DNAH9: variants seen among roughly 807,000 people sequenced by gnomAD.
DNAH9 encodes the protein DNAH9 variant protein.
DNAH9 carries 345 observed loss-of-function variants against 471.6 expected under a neutral mutation model. That is an observed-to-expected ratio of 0.73 (90% CI 0.67 to 0.80). The LOEUF is 0.80. Among genes scored for constraint, DNAH9 ranks in the 30% least tolerant of loss-of-function variants. DNAH9 has a pLI of 0.00. For missense variants in DNAH9, 5,407 were observed against 5,609.2 expected (o/e 0.96, Z 1.15); for synonymous variants, 2,093 against 2,123.6 (o/e 0.99, Z 0.40).
At chr17:11,765,583 T>G (rs923311803) in intron 36 of DNAH9, among the ~76,000 whole-genome samples, 1 of 152,184 alleles carries the variant, frequency 6.6e-6, no homozygotes, top group Non-Finnish European at 1.5e-5. Flanking sequence ...CTTTCTCTAC[T>G]GCCCTCCCCA....
intron 6 of DNAH9, among the ~76,000 whole-genome samples, chr17:11,622,072 G>A (rs1023644295): frequency 1.4e-5 from 2 of 141,756 alleles, no homozygotes; most frequent in African/African-American, 5.2e-5. Context: ...GGGACAGAGC[G>A]AGACTCCGTC....
chr17:11,657,938 A>C (rs1269230978), intron 14 of DNAH9, among the ~76,000 whole-genome samples: 1 of 152,050 alleles, frequency 6.6e-6, no homozygotes, highest in Non-Finnish European at 1.5e-5. Context: ...AAGTCTGAAA[A>C]TCAGGTTCTA....
intron 14 of DNAH9, among the ~76,000 whole-genome samples, chr17:11,662,231 A>G (rs1457324431): frequency 6.6e-6 from 1 of 152,002 alleles, no homozygotes; most frequent in Non-Finnish European, 1.5e-5. Flanking sequence ...CTTTTACTAG[A>G]TTCTTTTTTA....
chr17:11,838,363 A>G (rs1329189738), intron 49 of DNAH9, among the ~76,000 whole-genome samples: 1 of 152,224 alleles, frequency 6.6e-6, no homozygotes, highest in African/African-American at 2.4e-5. Flanking sequence ...TACAGCTTGT[A>G]AACTATGTGC....
intron 7 of DNAH9, 111 bp downstream of exon 7, chr17:11,629,695 T>C (rs2073031927): frequency 4.3e-6 from 4 of 928,700 alleles, no homozygotes; most frequent in Non-Finnish European, 6.4e-6. Context: ...TTTGGCTCTG[T>C]GGTCCCAGTG....
At chr17:11,818,428 T>TTTTAA (rs1038528871) in intron 45 of DNAH9, among the ~76,000 whole-genome samples, 1 of 139,896 alleles carries the variant, frequency 7.1e-6, no homozygotes, top group African/African-American at 2.6e-5. Flanking sequence ...ACTCCGTATT[T>TTTTAA]AAAAAAAAAA....
chr17:11,952,950 A>G (rs942772418), intron 67 of DNAH9, among the ~76,000 whole-genome samples: 9 of 152,138 alleles, frequency 5.9e-5, no homozygotes, highest in Non-Finnish European at 1.3e-4. Flanking sequence ...GCTTGTAGAG[A>G]GGTGTCTCCT....
At chr17:11,960,265 G>A (rs148480532) in intron 67 of DNAH9, among the ~76,000 whole-genome samples, 225 of 146,742 alleles carry the variant, frequency 1.5e-3, no homozygotes, top group African/African-American at 5.2e-3. Context: ...GTGAAACCCC[G>A]TCTCTACTAA....
chr17:11,816,057 C>A (rs1410205402), intron 45 of DNAH9, among the ~76,000 whole-genome samples: 1 of 152,144 alleles, frequency 6.6e-6, no homozygotes. Context: ...AGAAGACTTA[C>A]CTTAGGCGTT....
intron 26 of DNAH9, 177 bp downstream of exon 26, chr17:11,705,362 C>A: frequency 1.7e-6 from 1 of 577,944 alleles, no homozygotes; most frequent in Middle Eastern, 4.6e-4. Context: ...CAGAGCCTTT[C>A]TTGGAACAAA....
intron 36 of DNAH9, among the ~76,000 whole-genome samples, chr17:11,768,159 C>T (rs1442975091): frequency 6.6e-6 from 1 of 152,176 alleles, no homozygotes; most frequent in Non-Finnish European, 1.5e-5. Flanking sequence ...TGTTCTTCCA[C>T]CTCCCTCCCT....
At chr17:11,646,939 T>C in intron 11 of DNAH9, 133 bp from the exon 12 acceptor site, 1 of 742,110 alleles carries the variant, frequency 1.3e-6, no homozygotes, top group South Asian at 2.3e-5. Context: ...AATTTGTGGT[T>C]ACTCTCAGAA....
At chr17:11,748,307 A>G (rs1182370117) in intron 32 of DNAH9, among the ~76,000 whole-genome samples, 1 of 152,164 alleles carries the variant, frequency 6.6e-6, no homozygotes, top group African/African-American at 2.4e-5. Context: ...AGTCTGGGTG[A>G]CAAAGCAAGA....
chr17:11,946,669 A>AC (rs1181934252), intron 67 of DNAH9, among the ~76,000 whole-genome samples: 7 of 151,350 alleles, frequency 4.6e-5, no homozygotes, highest in African/African-American at 1.7e-4. Context: ...ATCTCAAAAA[A>AC]AAAAAAAAAA....
intron 49 of DNAH9, among the ~76,000 whole-genome samples, chr17:11,848,128 T>C (rs1408062891): frequency 6.6e-6 from 1 of 152,212 alleles, no homozygotes; most frequent in Non-Finnish European, 1.5e-5. Context: ...CTTTCATAAA[T>C]AGTTCCTTTA....
chr17:11,738,286 G>C (rs1194732324), intron 28 of DNAH9, among the ~76,000 whole-genome samples: 1 of 152,210 alleles, frequency 6.6e-6, no homozygotes, highest in African/African-American at 2.4e-5. Flanking sequence ...TTACTACAGA[G>C]AGAACCCACA....
chr17:11,659,085 T>A (rs1490634573), intron 14 of DNAH9, among the ~76,000 whole-genome samples: 4 of 152,014 alleles, frequency 2.6e-5, no homozygotes, highest in Non-Finnish European at 5.9e-5. Context: ...AAATATGTGA[T>A]AGAATTCACC....
rs113164593 is a variant in DNAH9 at position 11,715,156 on chromosome 17, T to C, written c.5553-4178T>C. On this transcript the variant is annotated intron_variant, in intron 26 of 68. Transcript: ENST00000262442. ...AAGCACAGGCTATTCATAGCTGAAA[T>C]CAAGATATAGCAGCTTTGATATTTG... Among the ~76,000 whole-genome samples the C allele has an allele frequency of 3.3e-5, 5 of 152,338 alleles. 1 individual carries two copies. Among genetic ancestry groups the C allele is most frequent in the African/African-American group, 1.2e-4 (5 of 41,566 alleles).
rs375961188 is a variant in DNAH9, at chr17:11,636,774, A to G, written c.1776A>G (p.Glu592=). 253 of 1,613,930 alleles carry G rather than the reference A, an allele frequency of 1.6e-4. No homozygotes were observed. Among genetic ancestry groups the G allele is most frequent in the Non-Finnish European group, 2.0e-4 (240 of 1,179,958 alleles). The change falls in exon 9 of 69, where the codon GAA becomes GAG. Residue 592 remains glutamate (E), a synonymous_variant. Coordinates refer to ENST00000262442, the MANE Select transcript of DNAH9 (RefSeq NM_001372.4). ...RMIYSQHVQE[E]AELGFSPVHK... is the part of the protein sequence containing the mutation. The stretch of plus-strand genomic sequence containing the variant: ...TCTACAGTCAGCACGTCCAGGAGGA[A>G]GCAGAACTTGGTAGGCTTGTTAAAG...
Sources: allele counts gnomAD v4.1 joint callset (sites outside exome capture counted in the v4.1 genomes callset), GRCh38; gene constraint gnomAD v4.1.1; transcripts MANE v1.5; gene names NCBI Gene and HGNC (gene_info 2026-07-23, HGNC 2026-07-21).